Variants in B3GALT1 observed in about 807,000 individuals in gnomAD.
B3GALT1 encodes beta-1,3-galactosyltransferase 1, also known as UDP-Gal:betaGlcNAc beta 1,3-galactosyltransferase, polypeptide 1.
In B3GALT1, 10 loss-of-function variants were observed where a neutral mutation model predicts 23.2. The ratio of observed to expected loss-of-function variants is 0.43; its 90% CI spans 0.27 to 0.73. The LOEUF (loss-of-function observed/expected upper bound fraction) is 0.73. B3GALT1 is among the 30% of genes least tolerant of loss of function. The pLI is 0.21. For missense variants in B3GALT1, 299 were observed against 405.4 expected, an observed-to-expected ratio of 0.74 and a Z score of 2.25; for synonymous variants, 156 against 141.5, an observed-to-expected ratio of 1.10 and a Z score of -0.73.
At chr2:167,339,211 T>G (rs1697110154) in intron 1 of B3GALT1, among the ~76,000 whole-genome samples, 1 of 152,150 alleles carries the variant, frequency 6.6e-6, no homozygotes, top group Admixed American at 6.6e-5. Flanking sequence ...ATGCAAATGC[T>G]CAGTGAAAGT....
intron 2 of B3GALT1, among the ~76,000 whole-genome samples, chr2:167,526,225 C>T (rs116223635): frequency 3.9e-4 from 60 of 152,132 alleles, no homozygotes; most frequent in African/African-American, 1.3e-3. Flanking sequence ...AAAATTATGT[C>T]TGTATCTATC....
intron 3 of B3GALT1, among the ~76,000 whole-genome samples, chr2:167,759,215 A>G (rs1248412502): frequency 6.6e-6 from 1 of 152,218 alleles, no homozygotes; most frequent in Non-Finnish European, 1.5e-5. Context: ...GACCAGCAGC[A>G]TATGACTGTG....
In B3GALT1 at chr2:167,325,702, C is replaced by CT. The variant is rs61066636; in HGVS notation, c.-511+32393dup. Among the ~76,000 whole-genome samples the CT allele has an allele frequency of 5.8e-3, 639 of 110,444 alleles. 12 individuals are homozygous for CT. The highest frequency in any genetic ancestry group is 0.017 in the African/African-American group (514 of 30,126). 72.5% of individuals were successfully genotyped at this position (110,444 alleles called of 152,430 possible). A position where few individuals can be genotyped will look rare whatever the true frequency, so the allele number is the denominator to read the frequency against. The stretch of plus-strand genomic sequence containing the variant: ...TTTTGAGAAATCTCCACCCTGTTTT[C>CT]TTTTTTTTTTTTTTTTTTTTTTTTT... On this transcript the variant is annotated intron_variant, in intron 1 of 4. Transcript: ENST00000392690.
intron 2 of B3GALT1, among the ~76,000 whole-genome samples, chr2:167,524,886 A>G (rs950202573): frequency 8.5e-5 from 13 of 152,330 alleles, no homozygotes; most frequent in African/African-American, 3.1e-4. Context: ...GTCTAAAGTC[A>G]TATCATTCTT....
At chr2:167,680,759 C>T (rs1008077607) in intron 3 of B3GALT1, among the ~76,000 whole-genome samples, 3 of 150,584 alleles carry the variant, frequency 2.0e-5, no homozygotes, top group African/African-American at 4.9e-5. Flanking sequence ...ATATTCTCTC[C>T]GATTATTCGC....
intron 3 of B3GALT1, among the ~76,000 whole-genome samples, chr2:167,694,786 A>G (rs1196233888): frequency 6.6e-6 from 1 of 152,142 alleles, no homozygotes; most frequent in African/African-American, 2.4e-5. Context: ...CTACCTCTTA[A>G]TGGTGGTAAT....
chr2:167,362,488 G>A (rs182559019), intron 1 of B3GALT1, among the ~76,000 whole-genome samples: 15 of 151,838 alleles, frequency 9.9e-5, no homozygotes, highest in East Asian at 1.9e-4. Flanking sequence ...GCATTTTTCC[G>A]AAGTATGAGA....
chr2:167,535,618 AG>A (rs1248001538), intron 2 of B3GALT1, among the ~76,000 whole-genome samples: 1 of 152,092 alleles, frequency 6.6e-6, no homozygotes, highest in Non-Finnish European at 1.5e-5. Context: ...TAAAAAGGAG[AG>A]GCATACCATG....
intron 3 of B3GALT1, among the ~76,000 whole-genome samples, chr2:167,727,459 G>C (rs1687336558): frequency 6.6e-6 from 1 of 152,094 alleles, no homozygotes; most frequent in Non-Finnish European, 1.5e-5. Context: ...GTCGGGCACT[G>C]TTTAGCCTAC....
At chr2:167,586,417 A>G (rs1362158370) in intron 2 of B3GALT1, among the ~76,000 whole-genome samples, 1 of 152,112 alleles carries the variant, frequency 6.6e-6, no homozygotes, top group East Asian at 1.9e-4. Context: ...CTCCTGCCTC[A>G]GCCTCCCGAG....
chr2:167,567,894 C>T (rs148537707), intron 2 of B3GALT1, among the ~76,000 whole-genome samples: 1 of 152,218 alleles, frequency 6.6e-6, no homozygotes, highest in African/African-American at 2.4e-5. Flanking sequence ...CCTATTCATC[C>T]TCACTCCCCC....
At chr2:167,471,794 C>T (rs1699421132) in intron 1 of B3GALT1, among the ~76,000 whole-genome samples, 1 of 152,050 alleles carries the variant, frequency 6.6e-6, no homozygotes. Context: ...TGGTGGGTGG[C>T]TTACATGGTC....
intron 4 of B3GALT1, among the ~76,000 whole-genome samples, chr2:167,842,718 T>C (rs1487236668): frequency 1.3e-5 from 2 of 151,934 alleles, no homozygotes; most frequent in Non-Finnish European, 2.9e-5. Context: ...TACAAAAAAC[T>C]ATCAAATTAG....
intron 1 of B3GALT1, among the ~76,000 whole-genome samples, chr2:167,342,074 C>T (rs1234064067): frequency 6.6e-6 from 1 of 151,978 alleles, no homozygotes; most frequent in Non-Finnish European, 1.5e-5. Context: ...AGAGAAATAA[C>T]TAAAATAATC....
intron 2 of B3GALT1, among the ~76,000 whole-genome samples, chr2:167,635,817 CT>C (rs1342519214): frequency 1.3e-5 from 2 of 152,120 alleles, no homozygotes; most frequent in Non-Finnish European, 2.9e-5. Flanking sequence ...CTACCACTGA[CT>C]TTCTTCACAG....
chr2:167,662,625 A>T (rs1489872450), intron 3 of B3GALT1, among the ~76,000 whole-genome samples: 2 of 152,068 alleles, frequency 1.3e-5, no homozygotes, highest in Admixed American at 6.6e-5. Flanking sequence ...AGACAAAAAG[A>T]TCCTGTTAAC....
At chr2:167,863,529 G>C (rs547790996) in intron 4 of B3GALT1, among the ~76,000 whole-genome samples, 1 of 152,268 alleles carries the variant, frequency 6.6e-6, no homozygotes, top group South Asian at 2.1e-4. Context: ...AGGCTACTGA[G>C]ACACAGAAAA....
At chr2:167,497,018 A>G (rs1407525706) in intron 2 of B3GALT1, among the ~76,000 whole-genome samples, 1 of 152,188 alleles carries the variant, frequency 6.6e-6, no homozygotes, top group Non-Finnish European at 1.5e-5. Flanking sequence ...ACAAACCTGC[A>G]CGTTGTGCAC....
chr2:167,676,792 CTGTGAA>C (rs559116136), intron 3 of B3GALT1, among the ~76,000 whole-genome samples: 1 of 152,216 alleles, frequency 6.6e-6, no homozygotes, highest in South Asian at 2.1e-4. Context: ...CTGCCTAGGC[CTGTGAA>C]AGTGATGGGA....
Sources: gnomAD v4.1 joint callset for allele counts (sites outside exome capture counted in the v4.1 genomes callset) on GRCh38, gnomAD v4.1.1 for gene constraint, MANE v1.5 for transcripts, NCBI Gene and HGNC (gene_info 2026-07-23, HGNC 2026-07-21) for gene names.